RAB40C: variants seen among roughly 807,000 people sequenced by gnomAD.
The protein encoded by RAB40C is ras-related protein Rab-40C.
RAB40C carries 8 observed loss-of-function variants against 28.1 expected under a neutral mutation model. That is an observed-to-expected ratio of 0.28 (90% CI 0.17 to 0.51). The LOEUF (loss-of-function observed/expected upper bound fraction) is 0.51. RAB40C is among the 20% of genes least tolerant of loss of function. The pLI, the probability that RAB40C is intolerant of heterozygous loss-of-function variation, is 0.97. For synonymous variants in RAB40C, 201 were observed against 171.7 expected (o/e 1.17, Z -1.34); for missense variants, 288 against 405.9 (o/e 0.71, Z 2.50).
chr16:601,992 G>A (rs1006429363), intron 1 of RAB40C, among the ~76,000 whole-genome samples: 1 of 151,998 alleles, frequency 6.6e-6, no homozygotes, highest in African/African-American at 2.4e-5. Flanking sequence ...GGGGTGTGGT[G>A]TCGGGCACCT....
intron 1 of RAB40C, among the ~76,000 whole-genome samples, chr16:592,136 A>G (rs766241240): frequency 6.6e-6 from 1 of 152,216 alleles, no homozygotes; most frequent in Non-Finnish European, 1.5e-5. Context: ...AGGGAATGCC[A>G]TCTACGCTGG....
chr16:618,174 G>GCCCCT, intron 2 of RAB40C, 26 bp from the exon 3 acceptor site: 1 of 1,609,064 alleles, frequency 6.2e-7, no homozygotes, highest in Non-Finnish European at 8.5e-7. Context: ...CACAGTCCCG[G>GCCCCT]CCCCTCCCCT....
intron 1 of RAB40C, among the ~76,000 whole-genome samples, chr16:615,032 G>A (rs1309391820): frequency 1.3e-5 from 2 of 152,220 alleles, no homozygotes; most frequent in African/African-American, 4.8e-5. Context: ...GTTCCTTCTT[G>A]TCTTGGAAAC....
In RAB40C at chr16:621,211, C is replaced by T. The variant is rs75405768; in HGVS notation, c.264+2951C>T. Among the ~76,000 whole-genome samples the T allele has an allele frequency of 6.4e-3, 978 of 152,324 alleles. 6 individuals carry two copies. Among genetic ancestry groups the T allele is most frequent in the African/African-American group, 0.023 (941 of 41,560 alleles). On this transcript the variant is annotated intron_variant, in intron 3 of 5. Coordinates refer to ENST00000248139, the MANE Select transcript of RAB40C (RefSeq NM_021168.5). ...AGTCTCCAGGCGGGCCTCTGACCGCCGTGACTGAGCATTTGGGCCACCCCG... is the reference window on the plus strand; with the variant it reads ...AGTCTCCAGGCGGGCCTCTGACCGCTGTGACTGAGCATTTGGGCCACCCCG...
chr16:614,195 C>CGA (rs1567190628), intron 1 of RAB40C, among the ~76,000 whole-genome samples: 23 of 103,818 alleles, frequency 2.2e-4, no homozygotes, highest in Non-Finnish European at 2.9e-4. Flanking sequence ...TACCGCATCC[C>CGA]TATGGTGAAC....
At chr16:594,843 G>T (rs1188396676) in intron 1 of RAB40C, among the ~76,000 whole-genome samples, 1 of 139,428 alleles carries the variant, frequency 7.2e-6, no homozygotes, top group African/African-American at 2.7e-5. Context: ...TTTTTTAGAC[G>T]AAGTCTTACT....
chr16:625,984 C>G lies in RAB40C; in HGVS notation c.428C>G (p.Ala143Gly), dbSNP rs770929145. Reference protein sequence around the residue: ...KRQVPTEQARAYAEKNCMTFF... With the variant: ...KRQVPTEQARGYAEKNCMTFF... ...CAGGTCCCGACGGAGCAGGCCCGCGCGTACGCAGAGAAGAACTGCATGACC... is the reference window on the plus strand; with the variant it reads ...CAGGTCCCGACGGAGCAGGCCCGCGGGTACGCAGAGAAGAACTGCATGACC... Residue 143 changes from alanine to glycine, a missense_variant, in exon 5 of 6, where the codon GCG (alanine) becomes GGG (glycine). Coordinates refer to ENST00000248139, the MANE Select transcript of RAB40C (RefSeq NM_021168.5). 9.3e-6 allele frequency: 15 copies of G among 1,613,094 alleles called. No homozygotes were observed. Among genetic ancestry groups the G allele is most frequent in the Non-Finnish European group, 1.2e-5 (14 of 1,180,008 alleles).
intron 1 of RAB40C, among the ~76,000 whole-genome samples, chr16:598,003 T>C (rs942087777): frequency 6.6e-6 from 1 of 150,432 alleles, no homozygotes; most frequent in African/African-American, 2.5e-5. Flanking sequence ...TTCCAGCACT[T>C]TGGGAGGCCA....
intron 3 of RAB40C, among the ~76,000 whole-genome samples, chr16:622,548 G>A (rs559063361): frequency 1.9e-4 from 29 of 152,286 alleles, no homozygotes; most frequent in African/African-American, 5.5e-4. Flanking sequence ...TGGCTCTGTC[G>A]CCAGGCTGGA....
intron 1 of RAB40C, among the ~76,000 whole-genome samples, chr16:594,638 C>T (rs1478199743): frequency 6.6e-6 from 1 of 152,058 alleles, no homozygotes; most frequent in Non-Finnish European, 1.5e-5. Context: ...GATGTGTCGT[C>T]GGCTGCTTAT....
intron 3 of RAB40C, among the ~76,000 whole-genome samples, chr16:623,632 G>A (rs1463686939): frequency 3.9e-5 from 5 of 128,438 alleles, no homozygotes; most frequent in East Asian, 2.3e-4. Context: ...GTGAGACTCC[G>A]TCTCAAAAAA....
intron 1 of RAB40C, among the ~76,000 whole-genome samples, chr16:591,351 T>A (rs374188422): frequency 6.6e-6 from 1 of 151,386 alleles, no homozygotes; most frequent in Non-Finnish European, 1.5e-5. Flanking sequence ...GAAGGTGTTA[T>A]AGATCTGGGG....
chr16:618,298 G>A, intron 3 of RAB40C, 38 bp downstream of exon 3: 3 of 1,563,128 alleles, frequency 1.9e-6, no homozygotes, highest in Non-Finnish European at 2.6e-6. Context: ...CTTTTCAAAG[G>A]ATGTTTCTCC....
At chr16:616,482 G>C (rs55715744) in intron 1 of RAB40C, among the ~76,000 whole-genome samples, 24,357 of 151,594 alleles carry the variant, frequency 0.16, 2,212 homozygotes, top group South Asian at 0.24. Flanking sequence ...GGGATTAAAG[G>C]TGCCCACCAC....
intron 2 of RAB40C, 139 bp from the exon 3 acceptor site, chr16:618,061 G>T: frequency 1.3e-6 from 1 of 750,204 alleles, no homozygotes; most frequent in Admixed American, 2.9e-5. Context: ...AGACAAAGCC[G>T]CTTAGCACAG....
intron 1 of RAB40C, among the ~76,000 whole-genome samples, chr16:611,220 C>G (rs866266152): frequency 6.6e-6 from 1 of 152,180 alleles, no homozygotes. Context: ...CCGGCATCCC[C>G]GTTCCTTTTG....
intron 1 of RAB40C, among the ~76,000 whole-genome samples, chr16:601,814 G>GAA (rs2036254885): frequency 2.4e-4 from 2 of 8,436 alleles, no homozygotes; most frequent in African/African-American, 4.8e-4. Context: ...GCAAAAAAAA[G>GAA]TAAAAAAAAA....
intron 3 of RAB40C, among the ~76,000 whole-genome samples, chr16:622,306 C>CG (rs552958259): frequency 1.8e-3 from 275 of 152,260 alleles, no homozygotes; most frequent in African/African-American, 6.2e-3. Flanking sequence ...CACGAGCAGG[C>CG]GGGGGTGCTG....
At chr16:604,875 C>T (rs908711354) in intron 1 of RAB40C, among the ~76,000 whole-genome samples, 1 of 152,148 alleles carries the variant, frequency 6.6e-6, no homozygotes, top group Non-Finnish European at 1.5e-5. Context: ...GCCTGGCCAA[C>T]ATGGTGAAAC....
Sources: allele counts gnomAD v4.1 joint callset (sites outside exome capture counted in the v4.1 genomes callset), GRCh38; gene constraint gnomAD v4.1.1; transcripts MANE v1.5; gene names NCBI Gene and HGNC (gene_info 2026-07-23, HGNC 2026-07-21).